The following ANO4 variants were observed in gnomAD, a reference collection of about 807,000 sequenced individuals.
ANO4 encodes the protein anoctamin 4.
A neutral mutation model predicts 141.9 loss-of-function variants in ANO4; 69 were observed. The ratio of observed to expected loss-of-function variants is 0.49; its 90% CI spans 0.40 to 0.59. The LOEUF is 0.59. ANO4 is among the 20% of genes least tolerant of loss of function. The pLI, the probability that ANO4 is intolerant of heterozygous loss-of-function variation, is 0.00. For synonymous variants in ANO4, 350 were observed against 394.3 expected (o/e 0.89, Z 1.33); for missense variants, 894 against 1,162.2 (o/e 0.77, Z 3.36).
chr12:100,732,709 C>A (rs761117275), intron 1 of ANO4, among the ~76,000 whole-genome samples: 5 of 152,128 alleles, frequency 3.3e-5, no homozygotes, highest in African/African-American at 7.2e-5. Context: ...TAAACAATTT[C>A]AAATACTCCT....
At position 100,774,801 on chromosome 12, in the gene ANO4, C is replaced by G. The variant is rs75788061; in HGVS notation, c.358+34696C>G. On this transcript the variant is annotated intron_variant, in intron 3 of 29. Transcript: ENST00000644049. Reference sequence around the variant, plus strand: ...AATTCTTTCCTATAATCATCAGTCACTTTCCCTATAGCAAAACCGATTTTG... The same window carrying G: ...AATTCTTTCCTATAATCATCAGTCAGTTTCCCTATAGCAAAACCGATTTTG... 5.0e-3 allele frequency among the ~76,000 whole-genome samples: 755 copies of G among 152,322 alleles called. 23 individuals carry two copies. In the East Asian group the frequency reaches 0.068, roughly 14 times the overall value.
intron 6 of ANO4, among the ~76,000 whole-genome samples, chr12:100,974,204 TG>T (rs1657613958): frequency 6.6e-6 from 1 of 152,166 alleles, no homozygotes; most frequent in Admixed American, 6.5e-5. Flanking sequence ...GACTGATTTT[TG>T]TATAGTTTCC....
At chr12:100,950,390 C>T (rs2042921897) in intron 5 of ANO4, among the ~76,000 whole-genome samples, 1 of 152,162 alleles carries the variant, frequency 6.6e-6, no homozygotes, top group African/African-American at 2.4e-5. Context: ...AGGAAGAAAG[C>T]AGATTTTCTT....
intron 1 of ANO4, among the ~76,000 whole-genome samples, chr12:100,717,869 G>A (rs561493411): frequency 3.8e-4 from 58 of 152,358 alleles, no homozygotes; most frequent in African/African-American, 1.3e-3. Flanking sequence ...CTCTAGCGGG[G>A]TGAGGCTTGG....
At chr12:100,771,152 C>T (rs1347042670) in intron 3 of ANO4, among the ~76,000 whole-genome samples, 2 of 152,024 alleles carry the variant, frequency 1.3e-5, no homozygotes, top group Non-Finnish European at 2.9e-5. Context: ...AATTTTTGGC[C>T]AGTGAACCGA....
chr12:101,027,944 G>A lies in ANO4; in HGVS notation c.841+7804G>A, dbSNP rs138215963. On this transcript the variant is annotated intron_variant, in intron 9 of 27. Transcript: ENST00000392977. ...ACTGGCATCAGGTTGGAGCCCCTCC[G>A]GGTTAGAGATCCCAGAAGAAGGAGC... Among the ~76,000 whole-genome samples the A allele has an allele frequency of 1.2e-3, 189 of 152,224 alleles. 1 individual carries two copies. Among genetic ancestry groups the A allele is most frequent in the African/African-American group, 4.1e-3 (169 of 41,538 alleles).
intron 1 of ANO4, among the ~76,000 whole-genome samples, chr12:100,836,190 C>T (rs1254129165): frequency 7.2e-5 from 11 of 151,976 alleles, no homozygotes; most frequent in South Asian, 4.2e-4. Context: ...TTGGAGTCCC[C>T]GTGGGTGAAA....
chr12:100,870,077 T>G (rs2038956708), intron 1 of ANO4, among the ~76,000 whole-genome samples: 1 of 152,198 alleles, frequency 6.6e-6, no homozygotes, highest in Non-Finnish European at 1.5e-5. Context: ...TTGGGATAGT[T>G]GAGGAAAAAT....
At chr12:100,986,675 A>G (rs1354628506) in intron 7 of ANO4, among the ~76,000 whole-genome samples, 1 of 152,212 alleles carries the variant, frequency 6.6e-6, no homozygotes, top group Non-Finnish European at 1.5e-5. Context: ...TAATAAATTT[A>G]GAAGGTATTT....
chr12:100,751,696 C>A (rs1475186812), intron 3 of ANO4, among the ~76,000 whole-genome samples: 1 of 151,816 alleles, frequency 6.6e-6, no homozygotes, highest in Non-Finnish European at 1.5e-5. Flanking sequence ...ACTGGAGTGA[C>A]CCAAGCAGAC....
rs563962724 is a variant in ANO4, at chr12:101,050,337, C to T, written c.1312+1936C>T. Among the ~76,000 whole-genome samples the T allele has an allele frequency of 5.3e-5, 8 of 152,264 alleles. No individual in the cohort carries two copies. The East Asian group carries it at 1.5e-3, about 29-fold the overall frequency. On this transcript the variant is annotated intron_variant, in intron 14 of 27. Transcript: ENST00000392977. Reference sequence around the variant, plus strand: ...TCTCTGAACAGGCCATGTATTTTTTCCTGTAGGATTCCTGCCTCCCTTGGT... The same window carrying T: ...TCTCTGAACAGGCCATGTATTTTTTTCTGTAGGATTCCTGCCTCCCTTGGT...
chr12:100,879,061 C>T (rs1394859929), intron 1 of ANO4, among the ~76,000 whole-genome samples: 1 of 152,078 alleles, frequency 6.6e-6, no homozygotes. Context: ...GTACCTAATA[C>T]AGGAAAGAGT....
chr12:100,798,917 T>A (rs1045138476), intron 1 of ANO4, among the ~76,000 whole-genome samples: 3 of 152,210 alleles, frequency 2.0e-5, no homozygotes, highest in Non-Finnish European at 4.4e-5. Flanking sequence ...GCAGCCATTC[T>A]TATAGAAAGC....
intron 1 of ANO4, among the ~76,000 whole-genome samples, chr12:100,883,699 A>G (rs1197989689): frequency 6.6e-6 from 1 of 152,226 alleles, no homozygotes; most frequent in Non-Finnish European, 1.5e-5. Flanking sequence ...TCACATTACT[A>G]TCTGCTACTT....
At chr12:100,941,679 C>G (rs1031309244) in intron 4 of ANO4, among the ~76,000 whole-genome samples, 1 of 151,918 alleles carries the variant, frequency 6.6e-6, no homozygotes, top group Non-Finnish European at 1.5e-5. Flanking sequence ...CTCCTACTTG[C>G]CTTATCAAGA....
intron 1 of ANO4, among the ~76,000 whole-genome samples, chr12:100,842,506 A>G (rs1180719400): frequency 1.3e-5 from 2 of 152,066 alleles, no homozygotes. Context: ...TGAGCCTAAC[A>G]TCATGCTTAG....
At chr12:101,063,229 G>A (rs1452714065) in intron 14 of ANO4, among the ~76,000 whole-genome samples, 1 of 152,182 alleles carries the variant, frequency 6.6e-6, no homozygotes, top group Non-Finnish European at 1.5e-5. Context: ...TGTCTAACCA[G>A]TCCCAATGAG....
chr12:101,030,632 G>C (rs1288100841), intron 9 of ANO4, among the ~76,000 whole-genome samples: 1 of 151,784 alleles, frequency 6.6e-6, no homozygotes, highest in African/African-American at 2.4e-5. Flanking sequence ...TAAGATCAGA[G>C]CAAAATTGAA....
intron 1 of ANO4, among the ~76,000 whole-genome samples, chr12:100,848,925 T>C (rs1298244536): frequency 2.0e-5 from 3 of 152,146 alleles, no homozygotes; most frequent in Non-Finnish European, 2.9e-5. Context: ...CTGCACATAG[T>C]GGGAATAAAT....
Sources: allele counts gnomAD v4.1 joint callset (sites outside exome capture counted in the v4.1 genomes callset), GRCh38; gene constraint gnomAD v4.1.1; transcripts MANE v1.5; gene names NCBI Gene and HGNC (gene_info 2026-07-23, HGNC 2026-07-21).